Variants in TENM2 observed in about 807,000 individuals in gnomAD.
TENM2 encodes the protein teneurin-2.
TENM2 carries 52 observed loss-of-function variants against 245.2 expected under a neutral mutation model. The ratio of observed to expected loss-of-function variants is 0.21; its 90% CI spans 0.17 to 0.27. The LOEUF (loss-of-function observed/expected upper bound fraction) is 0.27. Among genes scored for constraint, TENM2 ranks in the 10% least tolerant of loss-of-function variants. TENM2 has a pLI of 1.00. For missense variants in TENM2, 3,046 were observed against 3,666.8 expected, an observed-to-expected ratio of 0.83 and a Z score of 4.37; for synonymous variants, 1,363 against 1,438.9, an observed-to-expected ratio of 0.95 and a Z score of 1.19.
chr5:167,801,813 C>T (rs1340391549), intron 2 of TENM2, among the ~76,000 whole-genome samples: 2 of 151,822 alleles, frequency 1.3e-5, no homozygotes, highest in African/African-American at 4.8e-5. Context: ...GGCCAATAGG[C>T]AGAGAATGGG....
chr5:167,363,484 C>G (rs2127273241), intron 1 of TENM2, among the ~76,000 whole-genome samples: 1 of 152,080 alleles, frequency 6.6e-6, no homozygotes, highest in South Asian at 2.1e-4. Context: ...GTAATTCCAG[C>G]ACTTTGGGAG....
the TENM2 span, among the ~76,000 whole-genome samples, chr5:167,268,428 T>G: frequency 6.6e-6 from 1 of 152,294 alleles, no homozygotes; most frequent in East Asian, 1.9e-4. Flanking sequence ...ACAAGCAATT[T>G]ATTTTGTTAC....
At chr5:167,911,721 A>G (rs1225898665) in intron 3 of TENM2, among the ~76,000 whole-genome samples, 2 of 152,142 alleles carry the variant, frequency 1.3e-5, no homozygotes, top group Non-Finnish European at 2.9e-5. Context: ...CACGCAGCGA[A>G]TATTTATTGG....
At chr5:168,141,026 G>A (rs991121529) in intron 12 of TENM2, among the ~76,000 whole-genome samples, 1 of 151,986 alleles carries the variant, frequency 6.6e-6, no homozygotes, top group Admixed American at 6.6e-5. Context: ...TGTATGACTG[G>A]GTTCAAGAGC....
At chr5:168,186,643 C>T (rs1760462259) in intron 13 of TENM2, 1 of 152,138 alleles carries the variant, frequency 6.6e-6, no homozygotes, top group Admixed American at 6.5e-5. Context: ...TCCTCACCCC[C>T]TTCCCCAGGA....
At position 167,655,648 on chromosome 5, in the gene TENM2, A is replaced by G. The variant is rs370417554; in HGVS notation, c.503-220338A>G. 5.3e-5 allele frequency among the ~76,000 whole-genome samples: 8 copies of G among 152,340 alleles called. No homozygotes were observed. In the South Asian group the frequency reaches 8.3e-4, roughly 16 times the overall value. On this transcript the variant is annotated intron_variant, in intron 2 of 28. Coordinates refer to ENST00000518659, the Ensembl canonical transcript of TENM2. ...ATTTGGGAAGCATGAAGCTTCAAAA[A>G]TATTCATAGATGTGTAGGTGAATTT...
At chr5:167,707,412 T>C (rs541136689) in intron 2 of TENM2, among the ~76,000 whole-genome samples, 1 of 152,342 alleles carries the variant, frequency 6.6e-6, no homozygotes, top group East Asian at 1.9e-4. Flanking sequence ...ACAGAAGCTT[T>C]TTAGTCTGAT....
exon 27 of TENM2, chr5:168,246,777 G>C: frequency 6.2e-7 from 1 of 1,613,738 alleles, no homozygotes; most frequent in Non-Finnish European, 8.5e-7. Context: ...TCCTGCTTCA[G>C]AGCCAACGTC....
chr5:167,573,149 A>G (rs1774392478), intron 2 of TENM2, among the ~76,000 whole-genome samples: 1 of 152,122 alleles, frequency 6.6e-6, no homozygotes, highest in Non-Finnish European at 1.5e-5. Flanking sequence ...GTTTGTCAGC[A>G]GTTATGATAA....
rs1054706306 is a variant in TENM2, at chr5:168,244,897, G to T, written c.5817+181G>T. On this transcript the variant is annotated intron_variant, in intron 26 of 28. Coordinates refer to ENST00000518659, the Ensembl canonical transcript of TENM2. The surrounding 1 kb of genome is among the most constrained non-coding windows in gnomAD (Gnocchi z 4.9). ...TAATTCTCCTGCCTGTGCCTCCTGG[G>T]TAGCTGTGACTACAGGCACATGTCA... 3.3e-5 allele frequency among the ~76,000 whole-genome samples: 5 copies of T among 151,914 alleles called. No homozygotes were observed. Among genetic ancestry groups the T allele is most frequent in the African/African-American group, 1.2e-4 (5 of 41,336 alleles).
chr5:167,816,870 G>T (rs1164307241), intron 2 of TENM2, among the ~76,000 whole-genome samples: 2 of 152,126 alleles, frequency 1.3e-5, no homozygotes, highest in South Asian at 2.1e-4. Flanking sequence ...CTTATTGCTG[G>T]CTCTACCATT....
intron 20 of TENM2, 86 bp from the exon 23 acceptor site, chr5:168,214,954 T>G: frequency 9.2e-7 from 1 of 1,090,666 alleles, no homozygotes. Context: ...GGTAAGCGTC[T>G]TGCTAGGATT....
chr5:168,040,702 C>T (rs886379964), intron 5 of TENM2, among the ~76,000 whole-genome samples: 2 of 152,180 alleles, frequency 1.3e-5, no homozygotes, highest in African/African-American at 4.8e-5. Flanking sequence ...TTACTTCTTT[C>T]AGGCTGAAGG....
chr5:167,476,576 CT>C (rs2127521582), intron 2 of TENM2, among the ~76,000 whole-genome samples: 1 of 152,192 alleles, frequency 6.6e-6, no homozygotes, highest in African/African-American at 2.4e-5. Context: ...GCAACAAATA[CT>C]GATATAGCTG....
the TENM2 span, among the ~76,000 whole-genome samples, chr5:167,257,752 T>C: frequency 1.3e-5 from 2 of 152,090 alleles, no homozygotes; most frequent in South Asian, 2.1e-4. Context: ...AGTGAAGTGA[T>C]GTAAATGTCA....
At chr5:167,425,929 T>G (rs1763789286) in intron 2 of TENM2, among the ~76,000 whole-genome samples, 1 of 152,186 alleles carries the variant, frequency 6.6e-6, no homozygotes, top group South Asian at 2.1e-4. Flanking sequence ...CTGTTATTAA[T>G]GTAGTGTGAT....
At chr5:167,801,996 G>A (rs754945697) in intron 2 of TENM2, among the ~76,000 whole-genome samples, 18 of 152,058 alleles carry the variant, frequency 1.2e-4, no homozygotes, top group South Asian at 2.1e-4. Context: ...CAAGATTAGC[G>A]TGCTGGCAGG....
chr5:167,426,136 G>A, intron 2 of TENM2, among the ~76,000 whole-genome samples: 1 of 151,974 alleles, frequency 6.6e-6, no homozygotes, highest in Non-Finnish European at 1.5e-5. Flanking sequence ...AAGCCACAGA[G>A]GAGTATGCTG....
rs1174086237 is a variant in TENM2 at position 167,427,897 on chromosome 5, A to AAAGGAAGGG, written c.502+52442_502+52450dup. 3.8e-5 allele frequency among the ~76,000 whole-genome samples: 3 copies of AAAGGAAGGG among 79,934 alleles called. No homozygotes were observed. The East Asian group carries it at 9.1e-4, about 24-fold the overall frequency. 52.4% of individuals were successfully genotyped at this position (79,934 alleles called of 152,430 possible). A position where few individuals can be genotyped will look rare whatever the true frequency, so the allele number is the denominator to read the frequency against. On this transcript the variant is annotated intron_variant, in intron 2 of 28. Coordinates refer to ENST00000518659, the Ensembl canonical transcript of TENM2. Reference sequence around the variant, plus strand: ...AAGGAAGGGAAGGAAGGAAGGACGGAAAGGAAGGGAAGGAAGGGAAGGAAG... The same window carrying AAAGGAAGGG: ...AAGGAAGGGAAGGAAGGAAGGACGGAAAGGAAGGGAAGGAAGGGAAGGAAGGGAAGGAAG...
Sources: gnomAD v4.1 joint callset for allele counts (sites outside exome capture counted in the v4.1 genomes callset) on GRCh38, gnomAD v4.1.1 for gene constraint, Gnocchi (gnomAD v3.1) non-coding constraint, MANE v1.5 for transcripts, NCBI Gene and HGNC (gene_info 2026-07-23, HGNC 2026-07-21) for gene names.